Variants in UBQLN1 observed in about 807,000 individuals in gnomAD.
The protein encoded by UBQLN1 is ubiquilin 1.
In UBQLN1, 13 loss-of-function variants were observed where a neutral mutation model predicts 65.4. That is an observed-to-expected ratio of 0.20 (90% CI 0.13 to 0.32). The LOEUF is 0.32. Ranked by LOEUF, UBQLN1 falls within the 10% of genes least tolerant of loss-of-function variation. The probability of loss-of-function intolerance (pLI) is 1.00; values close to 1 mark genes in which losing one functional copy is unlikely to be tolerated. For synonymous variants in UBQLN1, 267 were observed against 247.8 expected (o/e 1.08, Z -0.73); for missense variants, 561 against 724.0 (o/e 0.77, Z 2.58).
At chr9:83,694,442 A>C (rs1267328035) in intron 1 of UBQLN1, among the ~76,000 whole-genome samples, 2 of 152,182 alleles carry the variant, frequency 1.3e-5, no homozygotes, top group Non-Finnish European at 2.9e-5. Context: ...CAAGAGTCTG[A>C]TGTTTAACCT....
At chr9:83,683,583 G>A (rs1831987206) in intron 2 of UBQLN1, among the ~76,000 whole-genome samples, 1 of 152,108 alleles carries the variant, frequency 6.6e-6, no homozygotes, top group Admixed American at 6.5e-5. Flanking sequence ...AAAATATGCT[G>A]CAATTGCCCC....
Position 83,665,160 on chromosome 9 carries a change from A to C in UBQLN1, c.1333-15T>G. The C allele has an allele frequency of 6.4e-7, 1 of 1,557,452 alleles. No homozygotes were observed. The highest frequency in any genetic ancestry group is 8.8e-7 in the Non-Finnish European group (1 of 1,138,988). ...GGATTCTGCATCTAAGGAAGAAAGAAAACTAGTGGTTACAAAGGAATTAAA... is the reference window on the plus strand; with the variant it reads ...GGATTCTGCATCTAAGGAAGAAAGACAACTAGTGGTTACAAAGGAATTAAA... On this transcript the variant is annotated splice_polypyrimidine_tract_variant and intron_variant, in intron 8 of 10. Coordinates refer to ENST00000376395, the MANE Select transcript of UBQLN1 (RefSeq NM_013438.5).
intron 1 of UBQLN1, among the ~76,000 whole-genome samples, chr9:83,692,896 G>A (rs1272802869): frequency 6.6e-6 from 1 of 152,044 alleles, no homozygotes; most frequent in East Asian, 1.9e-4. Flanking sequence ...TTTTCATCTA[G>A]GGAATAGCCA....
chr9:83,685,841 T>C (rs913448552), intron 2 of UBQLN1, among the ~76,000 whole-genome samples, 163 bp downstream of exon 2: 2 of 152,216 alleles, frequency 1.3e-5, no homozygotes, highest in Non-Finnish European at 2.9e-5. Flanking sequence ...AGCATTAACA[T>C]GGAATCACAC....
intron 10 of UBQLN1, among the ~76,000 whole-genome samples, chr9:83,662,273 T>TATACAC (rs1435839683): frequency 2.1e-5 from 3 of 143,350 alleles, no homozygotes; most frequent in African/African-American, 8.0e-5. Flanking sequence ...CATATACATA[T>TATACAC]ACACACACAC....
intron 1 of UBQLN1, among the ~76,000 whole-genome samples, chr9:83,698,726 C>A (rs1832262405): frequency 1.3e-5 from 2 of 151,992 alleles, no homozygotes; most frequent in Non-Finnish European, 2.9e-5. Context: ...CCAACCTGGG[C>A]AACATGGTGA....
chr9:83,685,754 A>C (rs923236011), intron 2 of UBQLN1, among the ~76,000 whole-genome samples: 2 of 152,216 alleles, frequency 1.3e-5, no homozygotes, highest in Non-Finnish European at 2.9e-5. Flanking sequence ...GCCTGTTCTA[A>C]TGCAAATAAT....
chr9:83,679,704 T>C (rs1831908567), intron 4 of UBQLN1, 71 bp downstream of exon 4: 3 of 1,519,352 alleles, frequency 2.0e-6, no homozygotes, highest in Admixed American at 3.5e-5. Flanking sequence ...GACAATCTCA[T>C]TAACCACAGA....
intron 1 of UBQLN1, among the ~76,000 whole-genome samples, chr9:83,690,120 C>T (rs1209276734): frequency 6.6e-6 from 1 of 152,178 alleles, no homozygotes; most frequent in Admixed American, 6.5e-5. Flanking sequence ...CACTATTTAA[C>T]AAACTACATG....
chr9:83,673,568 CAAAAAAAAAAAA>C (rs1351699786), intron 6 of UBQLN1, among the ~76,000 whole-genome samples: 28,434 of 82,410 alleles, frequency 0.35, 3,784 homozygotes, highest in African/African-American at 0.46. Flanking sequence ...AAAAAAAAAA[CAAAAAAAAAAAA>C]CTGCGCTTAC....
chr9:83,676,179 T>C (rs1472129891), intron 6 of UBQLN1, among the ~76,000 whole-genome samples: 2 of 152,236 alleles, frequency 1.3e-5, no homozygotes, highest in East Asian at 1.9e-4. Context: ...AATGTCACAG[T>C]TGAGTAAGAA....
intron 6 of UBQLN1, among the ~76,000 whole-genome samples, chr9:83,670,660 C>T (rs1405830564): frequency 6.6e-6 from 1 of 152,170 alleles, no homozygotes; most frequent in East Asian, 1.9e-4. Context: ...TAAAATAAGA[C>T]AACGATGAAG....
rs571219573 is a variant in UBQLN1 at position 83,682,345 on chromosome 9, C to A, written c.448+606G>T. Among the ~76,000 whole-genome samples, 11 of 151,876 alleles carry A rather than the reference C, an allele frequency of 7.2e-5. 1 individual carries two copies. The South Asian group carries it at 2.3e-3, about 32-fold the overall frequency. On this transcript the variant is annotated intron_variant, in intron 3 of 10. Coordinates refer to ENST00000376395, the MANE Select transcript of UBQLN1 (RefSeq NM_013438.5). ...ATATATAAATCTAATACAGGCCAGGCACAGTGGCTCTCATCTGTAACCCAG... is the reference window on the plus strand; with the variant it reads ...ATATATAAATCTAATACAGGCCAGGAACAGTGGCTCTCATCTGTAACCCAG...
chr9:83,666,616 C>CAAAAAA, intron 7 of UBQLN1, 183 bp from the exon 8 acceptor site: 1 of 503,200 alleles, frequency 2.0e-6, no homozygotes, highest in South Asian at 3.6e-5. Flanking sequence ...AGAACAAAAA[C>CAAAAAA]AAAAAAATGA....
intron 3 of UBQLN1, among the ~76,000 whole-genome samples, chr9:83,682,085 C>T (rs938830734): frequency 6.6e-6 from 1 of 151,988 alleles, no homozygotes; most frequent in Non-Finnish European, 1.5e-5. Flanking sequence ...GAGATCTAGA[C>T]CATCCTGGCT....
At chr9:83,679,634 T>C (rs1342613007) in intron 4 of UBQLN1, 141 bp downstream of exon 4, 3 of 858,654 alleles carry the variant, frequency 3.5e-6, no homozygotes, top group Admixed American at 5.9e-5. Flanking sequence ...AATTAGCGCT[T>C]TGTTGAGTTT....
intron 1 of UBQLN1, among the ~76,000 whole-genome samples, chr9:83,706,056 A>G (rs1273304417): frequency 6.6e-6 from 1 of 152,212 alleles, no homozygotes; most frequent in African/African-American, 2.4e-5. Context: ...CTTGGGCTAC[A>G]CAGGTGTAAG....
chr9:83,667,699 CG>C (rs1316641480), intron 7 of UBQLN1: 5 of 984,726 alleles, frequency 5.1e-6, no homozygotes, highest in Non-Finnish European at 6.0e-6. Context: ...TCATCTTAAA[CG>C]TATCCTTTCA....
intron 1 of UBQLN1, among the ~76,000 whole-genome samples, chr9:83,700,613 A>G (rs1286880132): frequency 1.3e-5 from 2 of 152,234 alleles, no homozygotes; most frequent in African/African-American, 4.8e-5. Flanking sequence ...AGAAATAGAT[A>G]CTACCTGGAG....
Sources: allele counts gnomAD v4.1 joint callset (sites outside exome capture counted in the v4.1 genomes callset), GRCh38; gene constraint gnomAD v4.1.1; transcripts MANE v1.5; gene names NCBI Gene and HGNC (gene_info 2026-07-23, HGNC 2026-07-21).